Variants in SKAP1 observed in about 807,000 individuals in gnomAD.
The protein encoded by SKAP1 is src kinase-associated phosphoprotein 1.
A neutral mutation model predicts 58.5 loss-of-function variants in SKAP1; 44 were observed. The ratio of observed to expected loss-of-function variants is 0.75; its 90% CI spans 0.59 to 0.97. The LOEUF is 0.97. SKAP1 is among the 50% of genes least tolerant of loss of function. The probability of loss-of-function intolerance (pLI) is 0.00; values close to 1 mark genes in which losing one functional copy is unlikely to be tolerated. For synonymous variants in SKAP1, 127 were observed against 149.7 expected, an observed-to-expected ratio of 0.85 and a Z score of 1.11; for missense variants, 390 against 435.2, an observed-to-expected ratio of 0.90 and a Z score of 0.92.
chr17:48,251,242 TC>T (rs1368360544), intron 4 of SKAP1, among the ~76,000 whole-genome samples: 2 of 152,238 alleles, frequency 1.3e-5, no homozygotes, highest in Non-Finnish European at 2.9e-5. Context: ...TCCGTTAAAG[TC>T]TATTCTGCAG....
At chr17:48,392,865 AT>A (rs1314842739) in intron 2 of SKAP1, among the ~76,000 whole-genome samples, 13 of 102,674 alleles carry the variant, frequency 1.3e-4, no homozygotes, top group Admixed American at 2.9e-4. Context: ...CAAAAAAAAT[AT>A]ATATATATAT....
intron 2 of SKAP1, among the ~76,000 whole-genome samples, chr17:48,378,115 T>G (rs2067173206): frequency 6.6e-6 from 1 of 152,140 alleles, no homozygotes; most frequent in South Asian, 2.1e-4. Flanking sequence ...CCTCTCCATC[T>G]CTGCAGACAC....
chr17:48,329,632 G>A (rs1018018273), intron 4 of SKAP1, among the ~76,000 whole-genome samples: 1 of 152,166 alleles, frequency 6.6e-6, no homozygotes, highest in Non-Finnish European at 1.5e-5. Flanking sequence ...GCTTGAACCC[G>A]GGAGGCGGAG....
intron 6 of SKAP1, among the ~76,000 whole-genome samples, chr17:48,186,890 G>A (rs927036922): frequency 1.3e-5 from 2 of 152,218 alleles, no homozygotes; most frequent in Non-Finnish European, 2.9e-5. Context: ...CACTAAGTTT[G>A]AGGAAGGAGA....
intron 3 of SKAP1, among the ~76,000 whole-genome samples, chr17:48,347,856 G>A (rs1163130472): frequency 1.3e-5 from 2 of 151,722 alleles, no homozygotes; most frequent in African/African-American, 4.9e-5. Flanking sequence ...CTAGTAACCT[G>A]AAAGTGAGCT....
chr17:48,365,774 C>T (rs1199773378), intron 2 of SKAP1, among the ~76,000 whole-genome samples: 1 of 113,736 alleles, frequency 8.8e-6, no homozygotes, highest in Non-Finnish European at 1.8e-5. Flanking sequence ...AGATGTGCGT[C>T]GGAGCTTTTT....
At chr17:48,355,396 A>T (rs1488829242) in intron 3 of SKAP1, among the ~76,000 whole-genome samples, 1 of 151,838 alleles carries the variant, frequency 6.6e-6, no homozygotes, top group Non-Finnish European at 1.5e-5. Context: ...TCCCACCCCA[A>T]CCTCCAAAGT....
In SKAP1 at chr17:48,210,942, G is replaced by A. The variant is rs547543640; in HGVS notation, c.281-21442C>T. Among the ~76,000 whole-genome samples, 3 of 152,254 alleles carry A rather than the reference G, an allele frequency of 2.0e-5. No homozygotes were observed. The East Asian group carries it at 5.8e-4, about 29-fold the overall frequency. On this transcript the variant is annotated intron_variant, in intron 4 of 12. Transcript: ENST00000336915. ...TCATTAGGATTAGTTTAGCCAGTGT[G>A]ACGGAAAGCCCCAAATAATAGAGGC... is the stretch of plus-strand genomic sequence containing the variant.
chr17:48,293,804 A>C (rs1415317862), intron 4 of SKAP1, among the ~76,000 whole-genome samples: 2 of 152,206 alleles, frequency 1.3e-5, no homozygotes, highest in Admixed American at 6.5e-5. Flanking sequence ...TGAACAGTGA[A>C]CGCTCTGACA....
At chr17:48,274,547 T>C (rs1277359062) in intron 4 of SKAP1, among the ~76,000 whole-genome samples, 1 of 151,872 alleles carries the variant, frequency 6.6e-6, no homozygotes. Flanking sequence ...AAATACAAAA[T>C]TAGCCAGGTG....
At chr17:48,399,644 G>A (rs1015821517) in intron 1 of SKAP1, among the ~76,000 whole-genome samples, 2 of 151,866 alleles carry the variant, frequency 1.3e-5, no homozygotes, top group African/African-American at 4.8e-5. Flanking sequence ...GTGCATGCCT[G>A]TAGTCCTAGC....
rs775963107 is a variant in SKAP1 at position 48,413,210 on chromosome 17, T to A, written c.47-16425A>T. Among the ~76,000 whole-genome samples the A allele has an allele frequency of 1.2e-3, 178 of 151,970 alleles. 1 individual carries two copies. The highest frequency in any genetic ancestry group is 1.8e-3 in the Non-Finnish European group (124 of 67,968). On this transcript the variant is annotated intron_variant, in intron 1 of 12. Transcript: ENST00000336915. ...CCTAGGAAAGGAAACTTCAGACCAG[T>A]ATATAAAACATTTGCTTTTCAGGGC...
intron 4 of SKAP1, among the ~76,000 whole-genome samples, chr17:48,278,160 C>T (rs1328386719): frequency 6.6e-6 from 1 of 152,178 alleles, no homozygotes; most frequent in African/African-American, 2.4e-5. Flanking sequence ...TTTGTTCTCT[C>T]TTCTCTGCTC....
intron 8 of SKAP1, among the ~76,000 whole-genome samples, chr17:48,181,461 G>A (rs1050472064): frequency 1.3e-5 from 2 of 152,104 alleles, no homozygotes; most frequent in African/African-American, 4.8e-5. Flanking sequence ...TCTATTATAC[G>A]TGACGCTGTT....
intron 3 of SKAP1, among the ~76,000 whole-genome samples, chr17:48,363,307 A>T (rs1389915559): frequency 6.6e-6 from 1 of 152,184 alleles, no homozygotes; most frequent in Non-Finnish European, 1.5e-5. Flanking sequence ...ACACTGTTCT[A>T]GTGGGAATTT....
intron 1 of SKAP1, among the ~76,000 whole-genome samples, chr17:48,422,934 A>G (rs1485265727): frequency 6.6e-6 from 1 of 152,230 alleles, no homozygotes; most frequent in African/African-American, 2.4e-5. Context: ...AAAAAAGATG[A>G]AACAGAGAGA....
chr17:48,430,110 G>T lies in SKAP1; in HGVS notation c.11C>A (p.Ala4Asp). The change falls in exon 1 of 13, where the codon GCC becomes GAC. Residue 4 changes from alanine to aspartate, a missense_variant. Physicochemically the swap from Ala to Asp is moderately radical, Grantham distance 126. Transcript: ENST00000336915. ...CCAACGGATCTCCTCAGGGAGGGCG[G>T]CGGCCTGCATTTGGCTGGGCGGGAG... Reference protein sequence around the residue: MQAAALPEEIRWLL... With the variant: MQADALPEEIRWLL... 1 of 1,262,590 alleles carries T rather than the reference G, an allele frequency of 7.9e-7. No homozygotes were observed. The highest frequency in any genetic ancestry group is 1.0e-6 in the Non-Finnish European group (1 of 996,024). The allele number at this position is 1,262,590 out of a possible 1,614,324, so 78.2% of individuals were successfully genotyped here.
At chr17:48,354,015 T>C (rs182710085) in intron 3 of SKAP1, among the ~76,000 whole-genome samples, 3 of 151,656 alleles carry the variant, frequency 2.0e-5, no homozygotes, top group Admixed American at 1.3e-4. Flanking sequence ...CAGGTAGATA[T>C]AAGAAATGTT....
At chr17:48,387,282 A>G (rs1252145895) in intron 2 of SKAP1, among the ~76,000 whole-genome samples, 1 of 152,100 alleles carries the variant, frequency 6.6e-6, no homozygotes, top group African/African-American at 2.4e-5. Flanking sequence ...GCATGAGTAT[A>G]ATTTTTTGTG....
Sources: allele counts gnomAD v4.1 joint callset (sites outside exome capture counted in the v4.1 genomes callset), GRCh38; gene constraint gnomAD v4.1.1; transcripts MANE v1.5; gene names NCBI Gene and HGNC (gene_info 2026-07-23, HGNC 2026-07-21).